The following LRMDA variants were observed in gnomAD, a reference collection of about 807,000 sequenced individuals.
LRMDA encodes leucine rich melanocyte differentiation associated.
Under a neutral mutation model 29.8 loss-of-function variants are expected in LRMDA, and 18 were observed. That is an observed-to-expected ratio of 0.60 (90% CI 0.42 to 0.90). LRMDA has a LOEUF of 0.90. LRMDA is among the 40% of genes least tolerant of loss of function. The pLI, the probability that LRMDA is intolerant of heterozygous loss-of-function variation, is 0.00. For missense variants in LRMDA, 273 were observed against 273.9 expected (o/e 1.00, Z 0.02); for synonymous variants, 125 against 109.4 (o/e 1.14, Z -0.89).
At chr10:76,522,778 G>A (rs530303215) in intron 6 of LRMDA, among the ~76,000 whole-genome samples, 3 of 152,244 alleles carry the variant, frequency 2.0e-5, no homozygotes, top group African/African-American at 4.8e-5. Flanking sequence ...GCTGATTTCT[G>A]GTGCGGGCAA....
At chr10:76,000,392 G>A (rs754323389) in intron 2 of LRMDA, among the ~76,000 whole-genome samples, 6 of 152,118 alleles carry the variant, frequency 3.9e-5, no homozygotes, top group Non-Finnish European at 7.3e-5. Flanking sequence ...GGTCGGGTGG[G>A]GTGTGCATCT....
chr10:76,412,916 C>T (rs896191324), intron 6 of LRMDA, among the ~76,000 whole-genome samples: 5 of 152,098 alleles, frequency 3.3e-5, no homozygotes, highest in African/African-American at 1.2e-4. Context: ...TCCTTCTCCA[C>T]TTCTTCACTC....
chr10:76,259,004 A>G (rs1033693689), intron 5 of LRMDA, among the ~76,000 whole-genome samples: 3 of 152,102 alleles, frequency 2.0e-5, no homozygotes, highest in Non-Finnish European at 4.4e-5. Context: ...TCTGGATCAT[A>G]TGGCAGTTTT....
chr10:76,048,187 T>C (rs569404872), intron 4 of LRMDA, among the ~76,000 whole-genome samples: 1 of 152,306 alleles, frequency 6.6e-6, no homozygotes, highest in South Asian at 2.1e-4. Context: ...TGTATATGTA[T>C]ATATGCATAT....
rs139581732 is a variant in LRMDA, at chr10:76,209,127, C to T, written c.517-115274C>T. Among the ~76,000 whole-genome samples, 1,292 of 152,130 alleles carry T rather than the reference C, an allele frequency of 8.5e-3. 23 individuals are homozygous for T. The highest frequency in any genetic ancestry group is 0.03 in the African/African-American group (1,224 of 41,486). On this transcript the variant is annotated intron_variant, in intron 5 of 6. Coordinates refer to ENST00000611255, the MANE Select transcript of LRMDA (RefSeq NM_001305581.2). ...TGAGATCACACCCACTGCACTCCAGCCTAGGCAACAAGAGTGAAACTCCAT... is the reference window on the plus strand; with the variant it reads ...TGAGATCACACCCACTGCACTCCAGTCTAGGCAACAAGAGTGAAACTCCAT...
At chr10:75,748,136 C>T (rs1264250161) in intron 2 of LRMDA, among the ~76,000 whole-genome samples, 1 of 152,034 alleles carries the variant, frequency 6.6e-6, no homozygotes, top group Admixed American at 6.6e-5. Flanking sequence ...TCTTGTTGCC[C>T]AGGCTGGAGT....
At chr10:75,692,476 TACAC>T (rs1311471291) in intron 2 of LRMDA, among the ~76,000 whole-genome samples, 2 of 150,386 alleles carry the variant, frequency 1.3e-5, no homozygotes, top group Admixed American at 1.3e-4. Context: ...CACATACACA[TACAC>T]ACGTATACAT....
At chr10:76,379,714 C>T (rs1212836410) in intron 6 of LRMDA, among the ~76,000 whole-genome samples, 5 of 151,458 alleles carry the variant, frequency 3.3e-5, no homozygotes, top group African/African-American at 7.3e-5. Flanking sequence ...AATTTTATTT[C>T]GTTCTGCTCT....
chr10:75,585,982 A>G lies in LRMDA; in HGVS notation c.131+147488A>G, dbSNP rs181621577. Among the ~76,000 whole-genome samples, 9 of 152,296 alleles carry G rather than the reference A, an allele frequency of 5.9e-5. No individual in the cohort carries two copies. The East Asian group carries it at 1.7e-3, about 29-fold the overall frequency. On this transcript the variant is annotated intron_variant, in intron 2 of 6. Transcript: ENST00000611255. ...AGCATAATGTCCTCAAGGTTCATCC[A>G]TGTTGTTGCATATTGCAGAATTTCC...
intron 2 of LRMDA, among the ~76,000 whole-genome samples, chr10:75,854,860 T>A (rs924586830): frequency 6.6e-6 from 1 of 152,160 alleles, no homozygotes; most frequent in Non-Finnish European, 1.5e-5. Context: ...GAATGATGGT[T>A]TCCAGCTTCA....
At chr10:76,158,087 T>C (rs2132174050) in intron 5 of LRMDA, among the ~76,000 whole-genome samples, 1 of 152,298 alleles carries the variant, frequency 6.6e-6, no homozygotes, top group East Asian at 1.9e-4. Context: ...TGACTGTATA[T>C]GGGACTGGTC....
chr10:75,976,117 C>G (rs1847065141), intron 2 of LRMDA, among the ~76,000 whole-genome samples: 1 of 152,248 alleles, frequency 6.6e-6, no homozygotes, highest in African/African-American at 2.4e-5. Context: ...CAAAGTCCTT[C>G]CATGGCCTAC....
chr10:76,471,006 A>G (rs1377515110), intron 6 of LRMDA, among the ~76,000 whole-genome samples: 2 of 151,934 alleles, frequency 1.3e-5, no homozygotes, highest in Admixed American at 6.6e-5. Context: ...TAATTATATT[A>G]TTGGGCTTAT....
chr10:76,243,723 G>A (rs1039484618), intron 5 of LRMDA, among the ~76,000 whole-genome samples: 20 of 152,176 alleles, frequency 1.3e-4, no homozygotes, highest in African/African-American at 4.3e-4. Context: ...GAAAGGGCAG[G>A]AAATAATCTG....
intron 2 of LRMDA, among the ~76,000 whole-genome samples, chr10:76,016,075 G>T (rs1847874638): frequency 1.3e-5 from 2 of 152,130 alleles, no homozygotes; most frequent in African/African-American, 4.8e-5. Flanking sequence ...CTTGAATCTT[G>T]TATTGTTTAA....
At chr10:76,220,904 A>C in intron 5 of LRMDA, among the ~76,000 whole-genome samples, 1 of 152,158 alleles carries the variant, frequency 6.6e-6, no homozygotes, top group Non-Finnish European at 1.5e-5. Flanking sequence ...CCAGCAGCAC[A>C]TCAAGAAGCT....
chr10:76,062,240 T>C (rs961655040), intron 5 of LRMDA, among the ~76,000 whole-genome samples: 1 of 152,238 alleles, frequency 6.6e-6, no homozygotes, highest in Non-Finnish European at 1.5e-5. Context: ...TTCAGCAGAA[T>C]GCTCTGATGG....
intron 5 of LRMDA, among the ~76,000 whole-genome samples, chr10:76,211,578 T>TA (rs1177039352): frequency 1.6e-4 from 25 of 152,348 alleles, no homozygotes; most frequent in African/African-American, 6.0e-4. Context: ...GATTTTTTAC[T>TA]TTATAGTTTG....
At chr10:76,065,384 A>AG (rs1848766715) in intron 5 of LRMDA, among the ~76,000 whole-genome samples, 1 of 152,216 alleles carries the variant, frequency 6.6e-6, no homozygotes, top group African/African-American at 2.4e-5. Flanking sequence ...GCAGCCTCTT[A>AG]GGGGCATTCC....
Sources: allele counts gnomAD v4.1 joint callset (sites outside exome capture counted in the v4.1 genomes callset), GRCh38; gene constraint gnomAD v4.1.1; transcripts MANE v1.5; gene names NCBI Gene and HGNC (gene_info 2026-07-23, HGNC 2026-07-21).